The following HAUS4 variants were observed in gnomAD, a reference collection of about 807,000 sequenced individuals.
The protein encoded by HAUS4 is HAUS augmin-like complex subunit 4.
Under a neutral mutation model 50.6 loss-of-function variants are expected in HAUS4, and 34 were observed. The observed-to-expected ratio is 0.67, with a 90% CI of 0.51 to 0.90. The LOEUF (loss-of-function observed/expected upper bound fraction) is 0.90. HAUS4 is among the 40% of genes least tolerant of loss of function. The probability of loss-of-function intolerance (pLI) is 0.00; values close to 1 mark genes in which losing one functional copy is unlikely to be tolerated. For synonymous variants in HAUS4, 149 were observed against 161.4 expected, an observed-to-expected ratio of 0.92 and a Z score of 0.58; for missense variants, 370 against 428.7, an observed-to-expected ratio of 0.86 and a Z score of 1.21.
rs1156498661 is a variant in HAUS4 at position 22,952,398 on chromosome 14, ACT to A, written c.258_259del (p.Arg86SerfsTer21). On this transcript the variant is annotated frameshift_variant, in exon 4 of 10. Coordinates refer to ENST00000541587, the MANE Select transcript of HAUS4 (RefSeq NM_001166269.2). LOFTEE classifies it high-confidence loss of function. Reference sequence around the variant, plus strand: ...GTAGTCCACAAGCAACTCTTGAATGACTCTGTGTAAAATCTCAGACCTCAACC... The same window carrying A: ...GTAGTCCACAAGCAACTCTTGAATGACTGTGTAAAATCTCAGACCTCAACC... 10 of 1,613,850 alleles carry A rather than the reference ACT, an allele frequency of 6.2e-6. No individual in the cohort carries two copies. The highest frequency in any genetic ancestry group is 8.5e-6 in the Non-Finnish European group (10 of 1,179,840).
At chr14:22,951,887 A>C (rs2295687) in intron 4 of HAUS4, among the ~76,000 whole-genome samples, 198 bp from the exon 5 acceptor site, 1 of 152,030 alleles carries the variant, frequency 6.6e-6, no homozygotes, top group Admixed American at 6.6e-5. Flanking sequence ...CTCCTTCCCC[A>C]TAACTACAGT....
chr14:22,947,361 T>C, intron 8 of HAUS4, 122 bp from the exon 9 acceptor site: 1 of 766,768 alleles, frequency 1.3e-6, no homozygotes, highest in Admixed American at 2.2e-5. Flanking sequence ...ATAAACAAGG[T>C]CACTCTGAAT....
At chr14:22,947,803 G>A in intron 7 of HAUS4, 65 bp downstream of exon 7, 2 of 1,609,776 alleles carry the variant, frequency 1.2e-6, no homozygotes, top group Non-Finnish European at 1.7e-6. Flanking sequence ...AGGAATCTTT[G>A]TCTTCCCCAA....
intron 5 of HAUS4, among the ~76,000 whole-genome samples, chr14:22,951,266 A>C (rs1407632780): frequency 6.6e-6 from 1 of 151,856 alleles, no homozygotes; most frequent in Non-Finnish European, 1.5e-5. Flanking sequence ...CAGCCTCCCA[A>C]AGTGCTACGA....
Position 22,946,300 on chromosome 14 carries a change from T to C in HAUS4, c.*225A>G. On this transcript the variant is annotated 3_prime_UTR_variant, in exon 10 of 10. Transcript: ENST00000541587. Reference sequence around the variant, plus strand: ...CAGGGCTGACACTGACACACAGCTATGCATAAAAATTATATAAATCTCCTT... The same window carrying C: ...CAGGGCTGACACTGACACACAGCTACGCATAAAAATTATATAAATCTCCTT... The C allele has an allele frequency of 2.4e-6, 1 of 411,114 alleles. No homozygotes were observed. 25.5% of individuals were successfully genotyped at this position (411,114 alleles called of 1,614,324 possible). A position where few individuals can be genotyped will look rare whatever the true frequency, so the allele number is the denominator to read the frequency against.
intron 6 of HAUS4, 81 bp from the exon 7 acceptor site, chr14:22,948,094 T>C: frequency 2.0e-5 from 27 of 1,334,770 alleles, no homozygotes; most frequent in Non-Finnish European, 2.7e-5. Flanking sequence ...GCCCCTATCC[T>C]GTATCTAGAC....
At chr14:22,947,838 G>A in intron 7 of HAUS4, 30 bp downstream of exon 7, 2 of 1,611,416 alleles carry the variant, frequency 1.2e-6, no homozygotes, top group Non-Finnish European at 8.5e-7. Context: ...TCAGGATAAA[G>A]GAAAGGGGCT....
intron 2 of HAUS4, 31 bp from the exon 3 acceptor site, chr14:22,952,714 A>G (rs2044777940): frequency 6.5e-7 from 1 of 1,547,696 alleles, no homozygotes; most frequent in Non-Finnish European, 8.7e-7. Context: ...GGTACAAAAA[A>G]ACAAAAAAGG....
At position 22,947,997 on chromosome 14, in the gene HAUS4, G is replaced by A. The variant is rs757616950; in HGVS notation, c.579C>T (p.Thr193=). ...GTTTCCACACCTTTGCTGCCTTCAC[G>A]GTTTCACTGTCAGCATCTGAGCAAA... ...YDPNSDADSE[T]VKAAKVWKLA... Residue 193 remains threonine, a synonymous_variant, in exon 7 of 10, where the codon ACC becomes ACT. Transcript: ENST00000541587. The A allele has an allele frequency of 1.9e-5, 30 of 1,611,464 alleles. No homozygotes were observed. The highest frequency in any genetic ancestry group is 5.3e-5 in the African/African-American group (4 of 74,816).
At chr14:22,955,003 G>C (rs2044832920) in intron 2 of HAUS4, 97 bp downstream of exon 2, 1 of 894,274 alleles carries the variant, frequency 1.1e-6, no homozygotes. Flanking sequence ...GGGATTACAG[G>C]TGTGAGCCAA....
intron 4 of HAUS4, 67 bp from the exon 5 acceptor site, chr14:22,951,756 T>C (rs1185708529): frequency 2.1e-6 from 3 of 1,444,556 alleles, no homozygotes; most frequent in Non-Finnish European, 2.8e-6. Context: ...ACCTCTTCCA[T>C]CCTTATGAAC....
chr14:22,955,470 G>C (rs1233429575), intron 1 of HAUS4: 2 of 307,016 alleles, frequency 6.5e-6, no homozygotes, highest in African/African-American at 4.3e-5. Context: ...AATTCACTGA[G>C]TCTAAACAAG....
In HAUS4 at chr14:22,947,996, CG is replaced by C. The variant is rs764273364; in HGVS notation, c.579del (p.Val194Ter). On this transcript the variant is annotated frameshift_variant, in exon 7 of 10. Coordinates refer to ENST00000541587, the MANE Select transcript of HAUS4 (RefSeq NM_001166269.2). LOFTEE classifies it high-confidence loss of function. ...YDPNSDADSETVKAAKVWKLA... is the reference protein window; with the variant it reads ...YDPNSDADSEXVKAAKVWKLA... ...AGTTTCCACACCTTTGCTGCCTTCA[CG>C]GTTTCACTGTCAGCATCTGAGCAAA... 4 of 1,611,870 alleles carry C rather than the reference CG, an allele frequency of 2.5e-6. No individual in the cohort carries two copies. The highest frequency in any genetic ancestry group is 2.5e-6 in the Non-Finnish European group (3 of 1,179,046).
At position 22,947,663 on chromosome 14, in the gene HAUS4, C is replaced by G. The variant is rs765283667; in HGVS notation, c.777G>C (p.Glu259Asp). 2 of 1,614,020 alleles carry G rather than the reference C, an allele frequency of 1.2e-6. No homozygotes were observed. Among genetic ancestry groups the G allele is most frequent in the African/African-American group, 2.7e-5 (2 of 74,912 alleles). The change falls in exon 8 of 10, where the codon GAG becomes GAC. Residue 259 changes from glutamate to aspartate, a missense_variant. By Grantham distance (45) the Glu-to-Asp change is conservative. Coordinates refer to ENST00000541587, the MANE Select transcript of HAUS4 (RefSeq NM_001166269.2). ...LQEHRLKTQS[E>D]LDRINAQYLE... ...GGTACTGGGCATTGATGCGGTCTAG[C>G]TCGGATTGAGTCTTCAGCCGGTGTT...
In HAUS4 at chr14:22,951,542, T is replaced by C; in HGVS notation, c.465+13A>G. The C allele has an allele frequency of 6.2e-7, 1 of 1,613,594 alleles. No individual in the cohort carries two copies. The highest frequency in any genetic ancestry group is 1.1e-5 in the South Asian group (1 of 91,034). ...CCATTTCATTTATTTGGTTCCAATA[T>C]CTCCCCGCCAACCTCTGAGAGTGGC... On this transcript the variant is annotated intron_variant, in intron 5 of 9. Coordinates refer to ENST00000541587, the MANE Select transcript of HAUS4 (RefSeq NM_001166269.2).
In HAUS4 at chr14:22,946,365, G is replaced by A; in HGVS notation, c.*160C>T. The A allele has an allele frequency of 2.1e-6, 1 of 469,000 alleles. No individual in the cohort carries two copies. The highest frequency in any genetic ancestry group is 3.7e-6 in the Non-Finnish European group (1 of 270,470). The allele number at this position is 469,000 out of a possible 1,614,324, so 29.1% of individuals were successfully genotyped here. A position where few individuals can be genotyped will look rare whatever the true frequency, so the allele number is the denominator to read the frequency against. On this transcript the variant is annotated 3_prime_UTR_variant, in exon 10 of 10. Coordinates refer to ENST00000541587, the MANE Select transcript of HAUS4 (RefSeq NM_001166269.2). Reference sequence around the variant, plus strand: ...AAGAGGCCCAGTCATAAAAAATAAAGAGAAACCAGGAGAGTGCCTAAATGA... The same window carrying A: ...AAGAGGCCCAGTCATAAAAAATAAAAAGAAACCAGGAGAGTGCCTAAATGA...
chr14:22,946,742 G>C (rs1175769274), intron 9 of HAUS4, 34 bp from the exon 10 acceptor site: 1 of 1,498,070 alleles, frequency 6.7e-7, no homozygotes. Flanking sequence ...ACAATATAAG[G>C]GTGCTGCTCC....
chr14:22,955,011 C>CA (rs1236603905), intron 2 of HAUS4, 89 bp downstream of exon 2: 68 of 954,250 alleles, frequency 7.1e-5, no homozygotes, highest in Admixed American at 3.8e-4. Flanking sequence ...AGGTGTGAGC[C>CA]AATAAATGCT....
At chr14:22,952,163 G>A (rs908542738) in intron 4 of HAUS4, among the ~76,000 whole-genome samples, 165 bp downstream of exon 4, 3 of 152,150 alleles carry the variant, frequency 2.0e-5, no homozygotes, top group East Asian at 1.9e-4. Context: ...GATTACAGGC[G>A]TGTGCCACTG....
Sources: allele counts gnomAD v4.1 joint callset (sites outside exome capture counted in the v4.1 genomes callset), GRCh38; gene constraint gnomAD v4.1.1; transcripts MANE v1.5; gene names NCBI Gene and HGNC (gene_info 2026-07-23, HGNC 2026-07-21).